GALNT10: variants seen among roughly 807,000 people sequenced by gnomAD.
GALNT10 encodes GalNAc transferase 10.
Under a neutral mutation model 75.0 loss-of-function variants are expected in GALNT10, and 41 were observed. The observed-to-expected ratio is 0.55, with a 90% CI of 0.43 to 0.71. The LOEUF is 0.71. GALNT10 is among the 30% of genes least tolerant of loss of function. GALNT10 has a pLI of 0.00. For synonymous variants in GALNT10, 302 were observed against 313.0 expected (o/e 0.96, Z 0.37); for missense variants, 727 against 818.5 (o/e 0.89, Z 1.36).
rs1446698383 is a variant in GALNT10 at position 154,226,701 on chromosome 5, C to T, written c.159+35676C>T. On this transcript the variant is annotated intron_variant, in intron 1 of 11. Transcript: ENST00000297107. ...CATATAAATGACATAAATTAAACTG[C>T]GTGTTTAAAGTATTCAATTTTGTAA... Among the ~76,000 whole-genome samples the T allele has an allele frequency of 6.6e-5, 10 of 152,204 alleles. No individual in the cohort carries two copies. In the East Asian group the frequency reaches 1.2e-3, roughly 18 times the overall value.
Position 154,386,315 on chromosome 5 carries a change from C to G in GALNT10, c.941C>G (p.Ser314Cys). Residue 314 changes from serine (S) to cysteine (C), a missense_variant and splice_region_variant, in exon 7 of 12, where the codon TCT (serine) becomes TGT (cysteine). Coordinates refer to ENST00000297107, the MANE Select transcript of GALNT10 (RefSeq NM_198321.4). ...QKADPSDPFESPVMAGGLFAV... is the reference protein window; with the variant it reads ...QKADPSDPFECPVMAGGLFAV... ...ACCATGTTCTTCTTCTCTGACAGGT[C>G]TCCCGTGATGGCCGGTGGACTGTTC... 6.2e-7 allele frequency: 1 copy of G among 1,611,768 alleles called. No individual in the cohort carries two copies. The highest frequency in any genetic ancestry group is 8.5e-7 in the Non-Finnish European group (1 of 1,178,018).
chr5:154,222,423 A>G (rs1198938431), intron 1 of GALNT10, among the ~76,000 whole-genome samples: 1 of 152,166 alleles, frequency 6.6e-6, no homozygotes, highest in African/African-American at 2.4e-5. Context: ...AAGCTGTTAT[A>G]AACATTTGTA....
chr5:154,315,314 GA>G (rs1213129949), intron 3 of GALNT10, among the ~76,000 whole-genome samples: 1 of 152,230 alleles, frequency 6.6e-6, no homozygotes, highest in Non-Finnish European at 1.5e-5. Flanking sequence ...TTTCTAGGTG[GA>G]ATGTGAGAAA....
At chr5:154,310,273 A>T (rs1326990602) in intron 3 of GALNT10, among the ~76,000 whole-genome samples, 3 of 152,172 alleles carry the variant, frequency 2.0e-5, no homozygotes, top group African/African-American at 7.2e-5. Context: ...GTATAAGATT[A>T]GTGCCCCAGA....
At chr5:154,230,983 G>C (rs1436728722) in intron 1 of GALNT10, among the ~76,000 whole-genome samples, 1 of 152,210 alleles carries the variant, frequency 6.6e-6, no homozygotes, top group African/African-American at 2.4e-5. Flanking sequence ...GCATACACCA[G>C]ACAAGGCGGG....
intron 1 of GALNT10, among the ~76,000 whole-genome samples, chr5:154,226,453 TG>T (rs1753065948): frequency 1.3e-5 from 2 of 152,244 alleles, no homozygotes; most frequent in Non-Finnish European, 1.5e-5. Flanking sequence ...CTGTTCTTGC[TG>T]GGTATATGAT....
At chr5:154,222,592 G>A (rs1047707391) in intron 1 of GALNT10, among the ~76,000 whole-genome samples, 4 of 152,168 alleles carry the variant, frequency 2.6e-5, no homozygotes, top group African/African-American at 9.7e-5. Flanking sequence ...CAGTGTATAA[G>A]AGTCTGGCTG....
At chr5:154,256,611 T>A (rs1454220825) in intron 1 of GALNT10, among the ~76,000 whole-genome samples, 2 of 152,098 alleles carry the variant, frequency 1.3e-5, no homozygotes. Flanking sequence ...TCTTCAATAT[T>A]AGGAGTAGGC....
chr5:154,330,908 G>GGGGTGTGTGTGTGTGTGT (rs769311099), intron 4 of GALNT10, among the ~76,000 whole-genome samples: 127 of 126,034 alleles, frequency 1.0e-3, no homozygotes, highest in Non-Finnish European at 1.4e-3. Flanking sequence ...AGACAGAGAG[G>GGGGTGTGTGTGTGTGTGT]GTGTGTGTGT....
At position 154,239,807 on chromosome 5, in the gene GALNT10, A is replaced by C. The variant is rs566400239; in HGVS notation, c.159+48782A>C. Among the ~76,000 whole-genome samples the C allele has an allele frequency of 1.2e-4, 18 of 152,300 alleles. No homozygotes were observed. In the South Asian group the frequency reaches 3.7e-3, roughly 32 times the overall value. On this transcript the variant is annotated intron_variant, in intron 1 of 11. Coordinates refer to ENST00000297107, the MANE Select transcript of GALNT10 (RefSeq NM_198321.4). ...TGGGCACTTCTGTTTCTGGCCTTGT[A>C]GTAATAGATATCTGTGTTTTAATAA...
intron 4 of GALNT10, among the ~76,000 whole-genome samples, chr5:154,366,362 G>T (rs754245932): frequency 1.3e-5 from 2 of 152,090 alleles, no homozygotes; most frequent in Non-Finnish European, 2.9e-5. Context: ...TAAAACAGCT[G>T]TTTCATAAAG....
chr5:154,259,158 A>C (rs970069322), intron 1 of GALNT10, among the ~76,000 whole-genome samples: 1 of 151,894 alleles, frequency 6.6e-6, no homozygotes, highest in Non-Finnish European at 1.5e-5. Context: ...CATTACATTT[A>C]GTTCTGGGAT....
chr5:154,406,046 A>G (rs916265036), intron 8 of GALNT10: 7 of 151,966 alleles, frequency 4.6e-5, no homozygotes, highest in African/African-American at 1.7e-4. Flanking sequence ...CTTAATTCTC[A>G]CTTGTTTTTA....
chr5:154,377,790 C>T (rs954087777), intron 5 of GALNT10, among the ~76,000 whole-genome samples: 4 of 152,120 alleles, frequency 2.6e-5, no homozygotes, highest in African/African-American at 9.6e-5. Context: ...CCCAGAATTT[C>T]TGGTAAACTG....
rs1755807732 is a variant in GALNT10 at position 154,386,416 on chromosome 5, GA to G, written c.1045del (p.Ile349SerfsTer91). Reference protein sequence around the residue: ...GLEIWGGEQYEISFKVWMCGG... With the variant: ...GLEIWGGEQYXISFKVWMCGG... ...GGAGATCTGGGGAGGGGAGCAGTAT[GA>G]AATCTCCTTCAAGGTGAGCCAGCTC... On this transcript the variant is annotated frameshift_variant, in exon 7 of 12. Coordinates refer to ENST00000297107, the MANE Select transcript of GALNT10 (RefSeq NM_198321.4). LOFTEE classifies it high-confidence loss of function. The G allele has an allele frequency of 6.2e-7, 1 of 1,608,306 alleles. No individual in the cohort carries two copies. The highest frequency in any genetic ancestry group is 1.3e-5 in the African/African-American group (1 of 74,808).
chr5:154,400,300 G>A (rs953913216), intron 7 of GALNT10, among the ~76,000 whole-genome samples: 8 of 152,188 alleles, frequency 5.3e-5, no homozygotes, highest in Admixed American at 4.6e-4. Flanking sequence ...CTGGGTGCTC[G>A]CTGCATTCAC....
At chr5:154,406,832 C>T (rs935942729) in intron 8 of GALNT10, among the ~76,000 whole-genome samples, 4 of 152,140 alleles carry the variant, frequency 2.6e-5, no homozygotes, top group African/African-American at 7.2e-5. Flanking sequence ...TTAATAACCA[C>T]ATCCTAAGCC....
chr5:154,372,024 T>A (rs1156813008), intron 4 of GALNT10, among the ~76,000 whole-genome samples: 1 of 152,222 alleles, frequency 6.6e-6, no homozygotes, highest in East Asian at 1.9e-4. Flanking sequence ...GATGGGTCTA[T>A]GGAAGGTTCA....
rs370103391 is a variant in GALNT10 at position 154,330,908 on chromosome 5, G to GGTGTGTGTGTGTGTGTGTGT, written c.568+1181_568+1200dup. Among the ~76,000 whole-genome samples, 242 of 126,024 alleles carry GGTGTGTGTGTGTGTGTGTGT rather than the reference G, an allele frequency of 1.9e-3. No individual in the cohort carries two copies. The East Asian group carries it at 0.022, about 12-fold the overall frequency. The allele number at this position is 126,024 out of a possible 152,430, so 82.7% of individuals were successfully genotyped here. ...ACAGAGGCCTCAGAGAGACAGAGAG[G>GGTGTGTGTGTGTGTGTGTGT]GTGTGTGTGTGTGTGTGTGTGTGTG... On this transcript the variant is annotated intron_variant, in intron 4 of 11. Transcript: ENST00000297107.
Sources: allele counts gnomAD v4.1 joint callset (sites outside exome capture counted in the v4.1 genomes callset), GRCh38; gene constraint gnomAD v4.1.1; transcripts MANE v1.5; gene names NCBI Gene and HGNC (gene_info 2026-07-23, HGNC 2026-07-21).